Variants in FOXN1 observed in about 807,000 individuals in gnomAD.
The protein encoded by FOXN1 is forkhead box N1, also known as forkhead box protein N1.
Under a neutral mutation model 49.0 loss-of-function variants are expected in FOXN1, and 15 were observed. The observed-to-expected ratio is 0.31, with a 90% CI of 0.20 to 0.47. FOXN1 has a LOEUF of 0.47. Ranked by LOEUF, FOXN1 falls within the 20% of genes least tolerant of loss-of-function variation. The probability of loss-of-function intolerance (pLI) is 1.00; values close to 1 mark genes in which losing one functional copy is unlikely to be tolerated. For missense variants in FOXN1, 800 were observed against 842.8 expected (o/e 0.95, Z 0.63); for synonymous variants, 356 against 369.0 (o/e 0.96, Z 0.40).
chr17:28,517,831 A>C (rs1405959155), intron 1 of FOXN1, among the ~76,000 whole-genome samples: 2 of 142,080 alleles, frequency 1.4e-5, no homozygotes, highest in East Asian at 2.1e-4. Flanking sequence ...TCCACAGGGT[A>C]CACACCTCCA....
Position 28,534,600 on chromosome 17 carries a change from A to C in FOXN1, c.1135+62A>C, listed in dbSNP as rs9889455. On this transcript the variant is annotated intron_variant, in intron 7 of 8. Coordinates refer to ENST00000579795, the MANE Select transcript of FOXN1 (RefSeq NM_001369369.1). The surrounding 1 kb of genome is among the most constrained non-coding windows in gnomAD (Gnocchi z 4.1). Reference sequence around the variant, plus strand: ...GTACTCATGAGCCAAAAAAAAAAAAAAGAGAGAATCAGAGAATGAGGCAAG... The same window carrying C: ...GTACTCATGAGCCAAAAAAAAAAAACAGAGAGAATCAGAGAATGAGGCAAG... 1 of 1,576,942 alleles carries C rather than the reference A, an allele frequency of 6.3e-7. No individual in the cohort carries two copies. The highest frequency in any genetic ancestry group is 1.4e-5 in the African/African-American group (1 of 72,870).
chr17:28,509,571 T>C (rs1377146598), intron 1 of FOXN1, among the ~76,000 whole-genome samples: 2 of 152,166 alleles, frequency 1.3e-5, no homozygotes, highest in Non-Finnish European at 2.9e-5. Context: ...GCCATGCCAA[T>C]AGACAAAACG....
intron 1 of FOXN1, among the ~76,000 whole-genome samples, chr17:28,509,134 A>C (rs2069331629): frequency 6.6e-6 from 1 of 152,050 alleles, no homozygotes; most frequent in East Asian, 1.9e-4. Context: ...TCCCAGAAGC[A>C]CGAACCACAT....
chr17:28,529,564 C>T (rs1311235865), intron 5 of FOXN1, among the ~76,000 whole-genome samples: 1 of 152,160 alleles, frequency 6.6e-6, no homozygotes, highest in Non-Finnish European at 1.5e-5. Context: ...TGTGCCTCCC[C>T]GGAAACAGAC....
Position 28,524,582 on chromosome 17 carries a change from C to T in FOXN1, c.203C>T (p.Pro68Leu), listed in dbSNP as rs776666522. ...ACACCCTCACTGCCCCCACACAGCC[C>T]CCGCATTGCGTCACCAGGGCCCGAG... Reference protein sequence around the residue: ...ERTPSLPPHSPRIASPGPEQV... With the variant: ...ERTPSLPPHSLRIASPGPEQV... Residue 68 changes from proline to leucine, a missense_variant, in exon 3 of 9, where the codon CCC becomes CTC. Pro to Leu is a moderately conservative substitution (Grantham distance 98). This residue lies in a region of FOXN1 where 383 missense variants were observed against 357.9 expected (regional missense o/e 1.07). Coordinates refer to ENST00000579795, the MANE Select transcript of FOXN1 (RefSeq NM_001369369.1). The T allele has an allele frequency of 5.0e-6, 8 of 1,613,660 alleles. No homozygotes were observed.
Position 28,534,318 on chromosome 17 carries a change from T to G in FOXN1, c.928-13T>G. On this transcript the variant is annotated splice_polypyrimidine_tract_variant and intron_variant, in intron 6 of 8. Coordinates refer to ENST00000579795, the MANE Select transcript of FOXN1 (RefSeq NM_001369369.1). The surrounding 1 kb of genome is among the most constrained non-coding windows in gnomAD (Gnocchi z 4.1). ...AGCCTGGCCTGAATGCTTGTCTTGC[T>G]CTGTTCCGGCAGACAGCACCCGATG... 6.2e-7 allele frequency: 1 copy of G among 1,614,148 alleles called. No individual in the cohort carries two copies. Among genetic ancestry groups the G allele is most frequent in the Non-Finnish European group, 8.5e-7 (1 of 1,180,014 alleles).
chr17:28,527,205 G>T, intron 3 of FOXN1, 46 bp from the exon 4 acceptor site: 1 of 1,274,240 alleles, frequency 7.8e-7, no homozygotes. Flanking sequence ...AAAGAGGAAG[G>T]GAGAAAATAA....
At position 28,534,491 on chromosome 17, in the gene FOXN1, G is replaced by T. The variant is rs1451982666; in HGVS notation, c.1088G>T (p.Trp363Leu). The change falls in exon 7 of 9, where the codon TGG becomes TTG. Residue 363 changes from tryptophan to leucine, a missense_variant. Physicochemically the swap from Trp to Leu is moderately conservative, Grantham distance 61. Coordinates refer to ENST00000579795, the MANE Select transcript of FOXN1 (RefSeq NM_001369369.1). The surrounding 1 kb of genome is among the most constrained non-coding windows in gnomAD (Gnocchi z 4.1). The stretch of plus-strand genomic sequence containing the variant: ...AAGATGCAAGAGGAGCTGCAAAAAT[G>T]GAAGAGGAAAGATCCCATTGCTGTG... ...IDKMQEELQK[W>L]KRKDPIAVRK... The T allele has an allele frequency of 1.2e-6, 2 of 1,613,962 alleles. No individual in the cohort carries two copies. The highest frequency in any genetic ancestry group is 4.5e-5 in the East Asian group (2 of 44,894).
Position 28,537,555 on chromosome 17 carries a change from T to TA in FOXN1, c.*121dup, listed in dbSNP as rs1481733729. On this transcript the variant is annotated 3_prime_UTR_variant, in exon 9 of 9. Transcript: ENST00000579795. The stretch of plus-strand genomic sequence containing the variant: ...AAATACTACCTGTCCCCTATGCCAC[T>TA]AAGCCAACGTGTGTGTCAGCTGGTA... 2 of 782,712 alleles carry TA rather than the reference T, an allele frequency of 2.6e-6. No homozygotes were observed. Among genetic ancestry groups the TA allele is most frequent in the Non-Finnish European group, 4.4e-6 (2 of 457,456 alleles). 48.5% of individuals were successfully genotyped at this position (782,712 alleles called of 1,614,324 possible). A position where few individuals can be genotyped will look rare whatever the true frequency, so the allele number is the denominator to read the frequency against.
intron 1 of FOXN1, among the ~76,000 whole-genome samples, chr17:28,512,263 T>A (rs2069410596): frequency 1.3e-5 from 2 of 152,206 alleles, no homozygotes; most frequent in African/African-American, 4.8e-5. Context: ...CTGGGCAGAC[T>A]GAGGATTTCA....
At chr17:28,536,627 G>A (rs1237660337) in intron 8 of FOXN1, among the ~76,000 whole-genome samples, 1 of 152,162 alleles carries the variant, frequency 6.6e-6, no homozygotes, top group African/African-American at 2.4e-5. Flanking sequence ...TTTGCTCCTC[G>A]GACTCAGGTG....
At chr17:28,508,467 T>C (rs2069314068) in intron 1 of FOXN1, among the ~76,000 whole-genome samples, 1 of 152,188 alleles carries the variant, frequency 6.6e-6, no homozygotes, top group Admixed American at 6.5e-5. Flanking sequence ...CAGTCCCATC[T>C]GGCCTCTAAG....
intron 3 of FOXN1, among the ~76,000 whole-genome samples, chr17:28,525,996 C>A (rs1003663204): frequency 1.3e-5 from 2 of 152,302 alleles, no homozygotes; most frequent in East Asian, 1.9e-4. Context: ...CCCATTTAAT[C>A]CCCTCAACAA....
chr17:28,530,961 G>A, intron 6 of FOXN1, 116 bp downstream of exon 6: 2 of 719,074 alleles, frequency 2.8e-6, no homozygotes, highest in Non-Finnish European at 5.1e-6. Flanking sequence ...AGCCAGGAGA[G>A]GGCTTACCCC....
At chr17:28,512,385 G>C (rs2069412421) in intron 1 of FOXN1, among the ~76,000 whole-genome samples, 1 of 152,216 alleles carries the variant, frequency 6.6e-6, no homozygotes, top group African/African-American at 2.4e-5. Flanking sequence ...CAAAAGTCCA[G>C]CTTTCCAGTC....
intron 1 of FOXN1, among the ~76,000 whole-genome samples, chr17:28,512,721 G>T (rs1555607190): frequency 1.3e-5 from 2 of 152,220 alleles, no homozygotes; most frequent in Non-Finnish European, 2.9e-5. Context: ...GGGCAAGCTT[G>T]CTGACCTTGC....
chr17:28,519,310 G>A (rs1294916863), intron 1 of FOXN1, among the ~76,000 whole-genome samples: 2 of 151,620 alleles, frequency 1.3e-5, no homozygotes, highest in African/African-American at 4.8e-5. Flanking sequence ...CAGCCTGGGC[G>A]ACAGCAAGAC....
chr17:28,515,009 T>C (rs1049611439), intron 1 of FOXN1, among the ~76,000 whole-genome samples: 1 of 152,116 alleles, frequency 6.6e-6, no homozygotes, highest in African/African-American at 2.4e-5. Context: ...CATAATATAC[T>C]AGCTGAGTGA....
At chr17:28,532,884 A>G (rs1228714258) in intron 6 of FOXN1, among the ~76,000 whole-genome samples, 1 of 152,226 alleles carries the variant, frequency 6.6e-6, no homozygotes, top group Non-Finnish European at 1.5e-5. Flanking sequence ...AAAAGGCCCC[A>G]GCGCCCATTA....
Sources: gnomAD v4.1 joint callset for allele counts (sites outside exome capture counted in the v4.1 genomes callset) on GRCh38, gnomAD v4.1.1 for gene constraint, gnomAD v4.1.1 regional missense constraint, Gnocchi (gnomAD v3.1) non-coding constraint, MANE v1.5 for transcripts, NCBI Gene and HGNC (gene_info 2026-07-23, HGNC 2026-07-21) for gene names.